The following FRS2 variants were observed in gnomAD, a reference collection of about 807,000 sequenced individuals.
The protein encoded by FRS2 is fibroblast growth factor receptor substrate 2, also known as FGFR signalling adaptor.
FRS2 carries 8 observed loss-of-function variants against 43.9 expected under a neutral mutation model. The ratio of observed to expected loss-of-function variants is 0.18; its 90% CI spans 0.11 to 0.33. FRS2 has a LOEUF of 0.33. FRS2 is among the 10% of genes least tolerant of loss of function. The pLI is 1.00. For missense variants in FRS2, 534 were observed against 627.6 expected, an observed-to-expected ratio of 0.85 and a Z score of 1.59; for synonymous variants, 219 against 220.3, an observed-to-expected ratio of 0.99 and a Z score of 0.05.
At chr12:69,555,889 ATATTT>A (rs1251665448) in intron 3 of FRS2, among the ~76,000 whole-genome samples, 1 of 151,630 alleles carries the variant, frequency 6.6e-6, no homozygotes, top group East Asian at 1.9e-4. Context: ...ATATTTAACA[ATATTT>A]TAGGTTGATT....
intron 4 of FRS2, among the ~76,000 whole-genome samples, chr12:69,566,265 A>G (rs1880286482): frequency 6.6e-6 from 1 of 152,178 alleles, no homozygotes. Context: ...AAAGTTTAAA[A>G]ACATTCCTTT....
intron 3 of FRS2, chr12:69,537,951 C>T (rs992198786): frequency 8.5e-5 from 13 of 152,400 alleles, no homozygotes; most frequent in Admixed American, 2.0e-4. Context: ...CAAGATCAAG[C>T]AGGCAAGTTT....
At chr12:69,573,192 A>G (rs1433938543) in intron 8 of FRS2, among the ~76,000 whole-genome samples, 3 of 152,216 alleles carry the variant, frequency 2.0e-5, no homozygotes, top group Non-Finnish European at 1.5e-5. Flanking sequence ...AAATAGTGAT[A>G]ATTTCTTACT....
At position 69,572,222 on chromosome 12, in the gene FRS2, G is replaced by C; in HGVS notation, c.517G>C (p.Ala173Pro). ...AAGCAGACATCCTTCTGTGGGAAGT[G>C]CTCGCCTGCCTTCAGTAGGGGAAGA... ...PSSRHPSVGSARLPSVGEEST... is the reference protein window; with the variant it reads ...PSSRHPSVGSPRLPSVGEEST... Residue 173 changes from alanine to proline, a missense_variant, in exon 8 of 9, where the codon GCT (alanine) becomes CCT (proline). Coordinates refer to ENST00000549921, the MANE Select transcript of FRS2 (RefSeq NM_001278356.2). The C allele has an allele frequency of 1.2e-6, 2 of 1,612,890 alleles. No homozygotes were observed. The highest frequency in any genetic ancestry group is 4.5e-5 in the East Asian group (2 of 44,818).
At chr12:69,535,325 G>A (rs1877169568) in intron 3 of FRS2, among the ~76,000 whole-genome samples, 1 of 152,154 alleles carries the variant, frequency 6.6e-6, no homozygotes, top group South Asian at 2.1e-4. Context: ...ATACTTAAAT[G>A]AAATGTGTTA....
chr12:69,523,912 C>T (rs1875936522), intron 1 of FRS2, among the ~76,000 whole-genome samples: 1 of 152,210 alleles, frequency 6.6e-6, no homozygotes, highest in African/African-American at 2.4e-5. Context: ...CCAGCCAAAG[C>T]ACTTCATAGG....
intron 1 of FRS2, 23 bp downstream of exon 1, chr12:69,470,553 T>C (rs1008869906): frequency 5.0e-6 from 2 of 398,270 alleles, no homozygotes; most frequent in African/African-American, 2.1e-5. Flanking sequence ...GGAAACGGAC[T>C]GGGACGGCCG....
chr12:69,559,055 A>C (rs1879666862), intron 3 of FRS2, among the ~76,000 whole-genome samples: 1 of 152,230 alleles, frequency 6.6e-6, no homozygotes, highest in Non-Finnish European at 1.5e-5. Context: ...TCACACCTGT[A>C]ATCCCAGCAC....
intron 5 of FRS2, among the ~76,000 whole-genome samples, chr12:69,569,724 T>G (rs1382621845): frequency 6.6e-6 from 1 of 152,180 alleles, no homozygotes; most frequent in East Asian, 1.9e-4. Flanking sequence ...AGGATTGTTA[T>G]GAGGGTTAAA....
rs1323544086 is a variant in FRS2, at chr12:69,557,637, CAGGTGCAT to C, written c.-121-4542_-121-4535del. ...GTGTGTGTGCGCGCGCGCGCGCGCG[CAGGTGCAT>C]GCACGCTAGGATTGTTGCCCTTGGT... On this transcript the variant is annotated intron_variant, in intron 3 of 8. Coordinates refer to ENST00000549921, the MANE Select transcript of FRS2 (RefSeq NM_001278356.2). Among the ~76,000 whole-genome samples, 137 of 142,638 alleles carry C rather than the reference CAGGTGCAT, an allele frequency of 9.6e-4. 1 individual carries two copies. The highest frequency in any genetic ancestry group is 7.5e-3 in the Middle Eastern group (2 of 268). The allele number at this position is 142,638 out of a possible 152,430, so 93.6% of individuals were successfully genotyped here. A position where few individuals can be genotyped will look rare whatever the true frequency, so the allele number is the denominator to read the frequency against.
At chr12:69,547,521 G>A (rs914800660) in intron 3 of FRS2, among the ~76,000 whole-genome samples, 1 of 152,064 alleles carries the variant, frequency 6.6e-6, no homozygotes. Flanking sequence ...AATTTTATGT[G>A]TATTTTACCA....
At chr12:69,473,728 T>A (rs1385722566) in intron 1 of FRS2, among the ~76,000 whole-genome samples, 1 of 152,172 alleles carries the variant, frequency 6.6e-6, no homozygotes, top group Non-Finnish European at 1.5e-5. Context: ...GTATAAATAC[T>A]GGGCAAGGGC....
At chr12:69,478,411 A>C (rs1871035617) in intron 1 of FRS2, among the ~76,000 whole-genome samples, 1 of 152,094 alleles carries the variant, frequency 6.6e-6, no homozygotes, top group African/African-American at 2.4e-5. Context: ...ATTGAATTTA[A>C]TTTTAATTAA....
Position 69,574,906 on chromosome 12 carries a change from A to G in FRS2, c.1478A>G (p.Asp493Gly). Residue 493 changes from aspartate (D) to glycine (G), a missense_variant, in exon 9 of 9, where the codon GAT becomes GGT. Around this residue, in one of 3 missense-constraint regions of FRS2, gnomAD observed 446 missense variants for 494.2 expected, o/e 0.90. Transcript: ENST00000549921. Reference sequence around the variant, plus strand: ...TTGCAGAAAGCACTGCCACGAGATGATGGTACATCTAGGAAAACTAGACAC... The same window carrying G: ...TTGCAGAAAGCACTGCCACGAGATGGTGGTACATCTAGGAAAACTAGACAC... ...SNLQKALPRD[D>G]GTSRKTRHNS... The G allele has an allele frequency of 6.2e-7, 1 of 1,613,584 alleles. No individual in the cohort carries two copies. The highest frequency in any genetic ancestry group is 8.5e-7 in the Non-Finnish European group (1 of 1,179,584).
rs1304392382 is a variant in FRS2 at position 69,576,860 on chromosome 12, C to CA, written c.*1906dup. ...TGCTCACTGTTCTCTTAAAAGAGAGCAGTGGTATAGGTGTGCAGTTTCCAT... is the reference window on the plus strand; with the variant it reads ...TGCTCACTGTTCTCTTAAAAGAGAGCAAGTGGTATAGGTGTGCAGTTTCCAT... On this transcript the variant is annotated 3_prime_UTR_variant, in exon 9 of 9. Transcript: ENST00000549921. 1 of 152,598 alleles carries CA rather than the reference C, an allele frequency of 6.6e-6. No individual in the cohort carries two copies. The highest frequency in any genetic ancestry group is 1.9e-4 in the East Asian group (1 of 5,194). The allele number at this position is 152,598 out of a possible 1,614,324, so 9.5% of individuals were successfully genotyped here.
At chr12:69,493,119 G>A (rs1872606413) in intron 1 of FRS2, among the ~76,000 whole-genome samples, 1 of 152,160 alleles carries the variant, frequency 6.6e-6, no homozygotes, top group Non-Finnish European at 1.5e-5. Flanking sequence ...CAAAGCCAGT[G>A]TCTTATATTT....
At chr12:69,516,418 A>C (rs1382146598) in intron 1 of FRS2, among the ~76,000 whole-genome samples, 2 of 151,828 alleles carry the variant, frequency 1.3e-5, no homozygotes, top group African/African-American at 2.4e-5. Flanking sequence ...GGGTTTCTCC[A>C]TGTTGGTCAG....
At chr12:69,547,673 C>G (rs1183049317) in intron 3 of FRS2, among the ~76,000 whole-genome samples, 1 of 151,896 alleles carries the variant, frequency 6.6e-6, no homozygotes, top group African/African-American at 2.4e-5. Flanking sequence ...CTCCTTATTC[C>G]CTGTGTATGT....
chr12:69,547,830 CTTTTTTTTTTTTT>C (rs71094722), intron 3 of FRS2, among the ~76,000 whole-genome samples: 76 of 102,772 alleles, frequency 7.4e-4, no homozygotes, highest in Non-Finnish European at 7.7e-4. Context: ...TCCATTAATA[CTTTTTTTTTTTTT>C]TTTTTTTTTT....
Sources: allele counts gnomAD v4.1 joint callset (sites outside exome capture counted in the v4.1 genomes callset), GRCh38; gene constraint gnomAD v4.1.1; regional missense constraint gnomAD v4.1.1; transcripts MANE v1.5; gene names NCBI Gene and HGNC (gene_info 2026-07-23, HGNC 2026-07-21).